MAPK6: variants seen among roughly 807,000 people sequenced by gnomAD.
MAPK6 encodes ERK-3.
MAPK6 carries 19 observed loss-of-function variants against 59.3 expected under a neutral mutation model. That is an observed-to-expected ratio of 0.32 (90% CI 0.22 to 0.47). The LOEUF is 0.47. Among genes scored for constraint, MAPK6 ranks in the 20% least tolerant of loss-of-function variants. MAPK6 has a pLI of 1.00. For missense variants in MAPK6, 724 were observed against 847.9 expected, an observed-to-expected ratio of 0.85 and a Z score of 1.81; for synonymous variants, 316 against 290.3, an observed-to-expected ratio of 1.09 and a Z score of -0.90.
In MAPK6 at chr15:51,991,144, T is replaced by TACAC. The variant is rs549438786; in HGVS notation, c.-770+7830_-770+7831insCACA. ...ATTCCATCTCAAAAAGAAATATATA[T>TACAC]ATATACACACACACACACACACACA... On this transcript the variant is annotated intron_variant, in intron 2 of 7. Transcript: ENST00000691380. Among the ~76,000 whole-genome samples the TACAC allele has an allele frequency of 4.0e-3, 418 of 104,278 alleles. 2 individuals carry two copies. In the East Asian group the frequency reaches 0.076, roughly 19 times the overall value. The allele number at this position is 104,278 out of a possible 152,430, so 68.4% of individuals were successfully genotyped here.
intron 1 of MAPK6, among the ~76,000 whole-genome samples, chr15:52,045,477 A>G (rs2141084462): frequency 6.6e-6 from 1 of 152,286 alleles, no homozygotes. Flanking sequence ...ATATTCTTTT[A>G]GATATTTAGA....
intron 1 of MAPK6, among the ~76,000 whole-genome samples, chr15:52,019,697 C>A (rs1467164550): frequency 6.7e-6 from 1 of 149,450 alleles, no homozygotes; most frequent in Non-Finnish European, 1.5e-5. Flanking sequence ...CCTCGCCGGT[C>A]GCCCTGCCAG....
rs1208866270 is a variant in MAPK6 at position 52,065,838 on chromosome 15, C to A, written c.*838C>A. ...TAAGGCTGTCCACGTACTTAATTTA[C>A]TTAAGTGTTCATTTTAAGTAACGTG... On this transcript the variant is annotated 3_prime_UTR_variant, in exon 6 of 6. Coordinates refer to ENST00000261845, the MANE Select transcript of MAPK6 (RefSeq NM_002748.4). 6.6e-6 allele frequency: 1 copy of A among 152,548 alleles called. No individual in the cohort carries two copies. The highest frequency in any genetic ancestry group is 1.5e-5 in the Non-Finnish European group (1 of 68,022). The allele number at this position is 152,548 out of a possible 1,614,324, so 9.4% of individuals were successfully genotyped here. A position where few individuals can be genotyped will look rare whatever the true frequency, so the allele number is the denominator to read the frequency against.
intron 3 of MAPK6, among the ~76,000 whole-genome samples, chr15:52,004,833 G>T (rs1244690562): frequency 6.6e-6 from 1 of 152,152 alleles, no homozygotes; most frequent in Non-Finnish European, 1.5e-5. Context: ...CTGCATTGGG[G>T]ATTAAGTTGC....
intron 5 of MAPK6, among the ~76,000 whole-genome samples, chr15:52,062,026 T>C (rs184248052): frequency 1.4e-4 from 21 of 147,308 alleles, no homozygotes; most frequent in Non-Finnish European, 2.6e-4. Context: ...GTGGTAGTTA[T>C]ATCTTAACAT....
intron 2 of MAPK6, among the ~76,000 whole-genome samples, chr15:51,985,838 C>G (rs1050818974): frequency 4.6e-5 from 7 of 150,848 alleles, no homozygotes; most frequent in Non-Finnish European, 1.0e-4. Context: ...GGCGCCTGTA[C>G]TCCCAGCTAC....
At chr15:51,996,673 A>T (rs1188043756) in intron 2 of MAPK6, among the ~76,000 whole-genome samples, 1 of 151,822 alleles carries the variant, frequency 6.6e-6, no homozygotes, top group Non-Finnish European at 1.5e-5. Context: ...TAAGACTACA[A>T]GCATGAGCCA....
chr15:52,064,330 G>C lies in MAPK6; in HGVS notation c.1496G>C (p.Gly499Ala). The C allele has an allele frequency of 1.2e-6, 2 of 1,610,778 alleles. No individual in the cohort carries two copies. The highest frequency in any genetic ancestry group is 1.7e-6 in the Non-Finnish European group (2 of 1,179,328). The change falls in exon 6 of 6, where the codon GGA becomes GCA. Residue 499 changes from glycine to alanine, a missense_variant. Transcript: ENST00000261845. ...KKGKSKCERN[G>A]LVKAQIALEE... Reference sequence around the variant, plus strand: ...GGCAAATCAAAATGTGAAAGGAATGGATTGGTTAAAGCCCAGATAGCGCTA... The same window carrying C: ...GGCAAATCAAAATGTGAAAGGAATGCATTGGTTAAAGCCCAGATAGCGCTA...
chr15:52,066,907 TG>T lies in MAPK6; in HGVS notation c.*1911del, dbSNP rs201443692. 1 of 151,514 alleles carries T rather than the reference TG, an allele frequency of 6.6e-6. No homozygotes were observed. The highest frequency in any genetic ancestry group is 1.5e-5 in the Non-Finnish European group (1 of 67,916). 9.4% of individuals were successfully genotyped at this position (151,514 alleles called of 1,614,324 possible). A position where few individuals can be genotyped will look rare whatever the true frequency, so the allele number is the denominator to read the frequency against. ...AAGTGCAGTCATGAGAATTGATTTG[TG>T]GGGAAAAAAAAAATGGGACACTTTT... On this transcript the variant is annotated 3_prime_UTR_variant, in exon 6 of 6. Transcript: ENST00000261845.
At position 52,064,814 on chromosome 15, in the gene MAPK6, A is replaced by G. The variant is rs1307785093; in HGVS notation, c.1980A>G (p.Gly660=). The change falls in exon 6 of 6, where the codon GGA becomes GGG. Residue 660 remains glycine (G), a synonymous_variant. Coordinates refer to ENST00000261845, the MANE Select transcript of MAPK6 (RefSeq NM_002748.4). The part of the protein sequence containing the change: ...GKLGERGHEE[G]FLNNSGEFLF... Reference sequence around the variant, plus strand: ...TTGGGGAGAGAGGACATGAGGAAGGATTTCTGAACAACAGTGGGGAGTTCC... The same window carrying G: ...TTGGGGAGAGAGGACATGAGGAAGGGTTTCTGAACAACAGTGGGGAGTTCC... 1.9e-6 allele frequency: 3 copies of G among 1,611,854 alleles called. No homozygotes were observed. Among genetic ancestry groups the G allele is most frequent in the African/African-American group, 1.3e-5 (1 of 74,862 alleles).
chr15:51,972,053 GGA>G (rs2057130458), intron 1 of MAPK6, among the ~76,000 whole-genome samples: 1 of 152,130 alleles, frequency 6.6e-6, no homozygotes. Flanking sequence ...GCCTCTGGCT[GGA>G]TTAAACCTAT....
At chr15:52,003,060 G>A (rs1316855057) in intron 2 of MAPK6, among the ~76,000 whole-genome samples, 1 of 152,096 alleles carries the variant, frequency 6.6e-6, no homozygotes, top group Non-Finnish European at 1.5e-5. Context: ...GGTGGTGCAT[G>A]CCTGTAATCC....
At chr15:51,982,709 A>G (rs1294147602) in intron 1 of MAPK6, among the ~76,000 whole-genome samples, 1 of 152,236 alleles carries the variant, frequency 6.6e-6, no homozygotes, top group African/African-American at 2.4e-5. Context: ...TATTTTTCAG[A>G]CTAGAAAACA....
chr15:52,054,829 G>A (rs781115882), intron 3 of MAPK6, among the ~76,000 whole-genome samples: 7 of 150,992 alleles, frequency 4.6e-5, no homozygotes, highest in Non-Finnish European at 1.0e-4. Flanking sequence ...TTGTTGCCTA[G>A]CCAACAATCG....
intron 1 of MAPK6, among the ~76,000 whole-genome samples, chr15:51,978,413 C>T (rs954059905): frequency 6.6e-6 from 1 of 151,930 alleles, no homozygotes; most frequent in Non-Finnish European, 1.5e-5. Flanking sequence ...GGATTCCAGG[C>T]GTGAGCCACC....
intron 4 of MAPK6, among the ~76,000 whole-genome samples, chr15:52,059,868 G>C (rs983954689): frequency 6.6e-6 from 1 of 152,186 alleles, no homozygotes; most frequent in Non-Finnish European, 1.5e-5. Flanking sequence ...CTTAACAGTG[G>C]AGTTTTATTT....
chr15:51,998,132 C>CG (rs2057230927), intron 2 of MAPK6, among the ~76,000 whole-genome samples: 2 of 151,808 alleles, frequency 1.3e-5, no homozygotes, highest in South Asian at 4.2e-4. Context: ...TTAGTAGAGA[C>CG]GGGGTTTCAC....
chr15:51,992,147 A>G (rs1321122632), intron 2 of MAPK6, among the ~76,000 whole-genome samples: 1 of 151,804 alleles, frequency 6.6e-6, no homozygotes, highest in Non-Finnish European at 1.5e-5. Flanking sequence ...TTGTAGAGAC[A>G]GGGTTTTGCC....
In MAPK6 at chr15:52,038,156, G is replaced by GAA. The variant is rs35579384; in HGVS notation, c.-631-7660_-631-7659dup. ...AATGTGTTCCTTTGAGCTCAAGATTGAAAAAAAAAAAAAAATTGACCTCTG... is the reference window on the plus strand; with the variant it reads ...AATGTGTTCCTTTGAGCTCAAGATTGAAAAAAAAAAAAAAAAATTGACCTCTG... On this transcript the variant is annotated intron_variant, in intron 1 of 5. Transcript: ENST00000261845. Among the ~76,000 whole-genome samples, 1,061 of 145,152 alleles carry GAA rather than the reference G, an allele frequency of 7.3e-3. 14 individuals carry two copies. Among genetic ancestry groups the GAA allele is most frequent in the African/African-American group, 0.019 (742 of 39,292 alleles).
Sources: gnomAD v4.1 joint callset for allele counts (sites outside exome capture counted in the v4.1 genomes callset) on GRCh38, gnomAD v4.1.1 for gene constraint, MANE v1.5 for transcripts, NCBI Gene and HGNC (gene_info 2026-07-23, HGNC 2026-07-21) for gene names.